Variants in POLR2F observed in about 807,000 individuals in gnomAD.
POLR2F encodes the protein DNA-directed RNA polymerases I, II, and III subunit RPABC2.
Under a neutral mutation model 22.7 loss-of-function variants are expected in POLR2F, and 12 were observed. That is an observed-to-expected ratio of 0.53 (90% CI 0.34 to 0.86). POLR2F has a LOEUF of 0.86. POLR2F is among the 40% of genes least tolerant of loss of function. The probability of loss-of-function intolerance (pLI) is 0.02; values close to 1 mark genes in which losing one functional copy is unlikely to be tolerated. For synonymous variants in POLR2F, 57 were observed against 66.0 expected (o/e 0.86, Z 0.66); for missense variants, 126 against 171.5 (o/e 0.73, Z 1.48).
chr22:37,954,494 G>A (rs1398259093), intron 1 of POLR2F, among the ~76,000 whole-genome samples: 1 of 152,092 alleles, frequency 6.6e-6, no homozygotes, highest in African/African-American at 2.4e-5. Flanking sequence ...AGTAGAGACG[G>A]GTTTCACCAT....
chr22:38,007,664 A>C (rs1316477898), intron 1 of POLR2F, among the ~76,000 whole-genome samples: 2 of 152,162 alleles, frequency 1.3e-5, no homozygotes, highest in Non-Finnish European at 2.9e-5. Flanking sequence ...GTTCTTCCCG[A>C]GTCCCCCAGG....
In POLR2F at chr22:37,990,841, A is replaced by G. The variant is rs563475176; in HGVS notation, c.120+4529A>G. ...TGTTTCCATATTTGATAACCCATGA[A>G]TTGTATTTCAAAACAAGAGGCCCGT... On this transcript the variant is annotated intron_variant, in intron 1 of 2. Transcript: ENST00000333418. 4.6e-5 allele frequency among the ~76,000 whole-genome samples: 7 copies of G among 152,310 alleles called. No homozygotes were observed. The East Asian group carries it at 1.4e-3, about 29-fold the overall frequency.
intron 1 of POLR2F, among the ~76,000 whole-genome samples, chr22:38,024,136 G>A (rs182096530): frequency 7.9e-5 from 12 of 151,842 alleles, no homozygotes; most frequent in Non-Finnish European, 1.8e-4. Flanking sequence ...GAGCCACAGC[G>A]CCTGGCCCTG....
rs756606937 is a variant in POLR2F at position 37,967,147 on chromosome 22, G to C, written c.270G>C (p.Leu90=). 1.2e-6 allele frequency: 2 copies of C among 1,613,606 alleles called. No homozygotes were observed. Among genetic ancestry groups the C allele is most frequent in the Non-Finnish European group, 8.5e-7 (1 of 1,179,608 alleles). Residue 90 remains leucine (L), a synonymous_variant, in exon 4 of 5, where the codon CTG becomes CTC. Coordinates refer to ENST00000442738, the MANE Select transcript of POLR2F (RefSeq NM_021974.5). ...MVELEGETDP[L]LIAMKELKAR... is the part of the protein sequence containing the mutation. ...AGCTGGAGGGGGAGACAGATCCTCT[G>C]CTCATTGCCATGAAGGAACTCAAGT...
downstream of POLR2F, chr22:37,974,262 C>T: frequency 7.9e-7 from 1 of 1,271,168 alleles, no homozygotes; most frequent in South Asian, 1.3e-5. This position sits in a 1 kb window ranked among gnomAD's most constrained non-coding sequence, Gnocchi z 5.4. Context: ...CAGGTGGGCG[C>T]ACGTGAACTT....
chr22:38,019,233 G>A (rs1363912978), intron 1 of POLR2F, among the ~76,000 whole-genome samples: 2 of 152,064 alleles, frequency 1.3e-5, no homozygotes, highest in African/African-American at 4.8e-5. Flanking sequence ...GTAGGGGTAA[G>A]ATGACACCCT....
In POLR2F at chr22:38,016,980, G is replaced by A. The variant is rs2084921260; in HGVS notation, c.121-8889G>A. 1.3e-5 allele frequency among the ~76,000 whole-genome samples: 2 copies of A among 152,184 alleles called. No homozygotes were observed. Among genetic ancestry groups the A allele is most frequent in the African/African-American group, 4.8e-5 (2 of 41,528 alleles). ...AGAGATGGAGCCAGGCCGGGGTGCC[G>A]GGGGGCAGCGCAAGGGGCCAGCCAG... On this transcript the variant is annotated intron_variant, in intron 1 of 2. Coordinates refer to the POLR2F transcript ENST00000333418. The surrounding 1 kb of genome is among the most constrained non-coding windows in gnomAD (Gnocchi z 4.4).
intron 1 of POLR2F, among the ~76,000 whole-genome samples, chr22:38,009,705 G>T (rs979505258): frequency 6.6e-6 from 1 of 151,230 alleles, no homozygotes; most frequent in African/African-American, 2.4e-5. Context: ...AGGCAACCAC[G>T]TGCAGTCACT....
At chr22:38,020,340 C>T (rs991100814) in intron 1 of POLR2F, among the ~76,000 whole-genome samples, 4 of 152,018 alleles carry the variant, frequency 2.6e-5, no homozygotes, top group Non-Finnish European at 4.4e-5. Context: ...CCTTGGCTCA[C>T]TGCAACCTCC....
At chr22:38,035,479 G>C (rs953324237) in intron 5 of POLR2F, among the ~76,000 whole-genome samples, 1 of 152,186 alleles carries the variant, frequency 6.6e-6, no homozygotes, top group Admixed American at 6.5e-5. Context: ...CAGGGCAGGG[G>C]GCCTGGCAGG....
At chr22:37,954,576 C>G (rs1931288219) in intron 1 of POLR2F, among the ~76,000 whole-genome samples, 1 of 152,168 alleles carries the variant, frequency 6.6e-6, no homozygotes, top group African/African-American at 2.4e-5. Context: ...GCTGGGATCA[C>G]AGGCGTGAGC....
chr22:37,974,214 A>C (rs747057958), downstream of POLR2F: 5 of 1,586,256 alleles, frequency 3.2e-6, no homozygotes, highest in Admixed American at 8.4e-5. The surrounding 1 kb of genome is among the most constrained non-coding windows in gnomAD (Gnocchi z 5.4). Context: ...TAGAAGGGAG[A>C]CAGAGAGAGA....
intron 1 of POLR2F, among the ~76,000 whole-genome samples, chr22:38,013,269 C>T (rs2084888198): frequency 6.6e-6 from 1 of 152,164 alleles, no homozygotes; most frequent in African/African-American, 2.4e-5. Context: ...CCTCAGCTTC[C>T]TGAGTAGCTG....
chr22:38,025,330 C>T (rs1260712505), intron 1 of POLR2F, among the ~76,000 whole-genome samples: 1 of 152,148 alleles, frequency 6.6e-6, no homozygotes, highest in East Asian at 1.9e-4. Flanking sequence ...CACGTACACA[C>T]ATGCAATTAT....
intron 3 of POLR2F, among the ~76,000 whole-genome samples, chr22:37,961,345 GC>G (rs572467745): frequency 1.2e-4 from 18 of 152,264 alleles, no homozygotes; most frequent in African/African-American, 4.3e-4. Context: ...ACAAGCATGA[GC>G]AACCATTCCT....
chr22:37,967,174 A>G lies in POLR2F; in HGVS notation c.293+4A>G. 6.2e-7 allele frequency: 1 copy of G among 1,612,416 alleles called. No individual in the cohort carries two copies. The highest frequency in any genetic ancestry group is 1.1e-5 in the South Asian group (1 of 91,050). On this transcript the variant is annotated splice_donor_region_variant and intron_variant, in intron 4 of 4. Transcript: ENST00000442738. ...TCATTGCCATGAAGGAACTCAAGTAAGTCACTCAAATCATGGTTCACTTCT... is the reference window on the plus strand; with the variant it reads ...TCATTGCCATGAAGGAACTCAAGTAGGTCACTCAAATCATGGTTCACTTCT...
chr22:37,973,427 G>T, downstream of POLR2F: 1 of 1,051,972 alleles, frequency 9.5e-7, no homozygotes, highest in Non-Finnish European at 1.4e-6. Flanking sequence ...GGCCTGAGGT[G>T]GGCAAGGAAC....
Position 37,967,938 on chromosome 22 carries a change from T to C in POLR2F, c.*223T>C. ...AGAAGCACCAGGGGCCCTTAGCCCC[T>C]TTGGATCCCCCACATCCTTCCCTCC... is the stretch of plus-strand genomic sequence containing the variant. On this transcript the variant is annotated 3_prime_UTR_variant, in exon 5 of 5. Transcript: ENST00000442738. The C allele has an allele frequency of 8.1e-7, 1 of 1,229,430 alleles. No homozygotes were observed. Among genetic ancestry groups the C allele is most frequent in the Non-Finnish European group, 1.0e-6 (1 of 982,098 alleles). 76.2% of individuals were successfully genotyped at this position (1,229,430 alleles called of 1,614,324 possible).
At chr22:37,974,085 T>C (rs1234646551), downstream of POLR2F, 1 of 1,613,884 alleles carries the variant, frequency 6.2e-7, no homozygotes, top group East Asian at 2.2e-5. The surrounding 1 kb of genome is among the most constrained non-coding windows in gnomAD (Gnocchi z 5.4). Flanking sequence ...CCGAAGTCGA[T>C]GTGAGGCTTC....
Sources: allele counts gnomAD v4.1 joint callset (sites outside exome capture counted in the v4.1 genomes callset), GRCh38; gene constraint gnomAD v4.1.1; non-coding constraint Gnocchi (gnomAD v3.1); transcripts MANE v1.5; gene names NCBI Gene and HGNC (gene_info 2026-07-23, HGNC 2026-07-21).